The following PLEKHA5 variants were observed in gnomAD, a reference collection of about 807,000 sequenced individuals.
The protein encoded by PLEKHA5 is pleckstrin homology domain containing A5, also known as pleckstrin homology domain-containing family A member 5.
A neutral mutation model predicts 181.9 loss-of-function variants in PLEKHA5; 55 were observed. The observed-to-expected ratio is 0.30, with a 90% CI of 0.24 to 0.38. The LOEUF (loss-of-function observed/expected upper bound fraction) is 0.38, where lower values mean the gene tolerates loss of function less well. Ranked by LOEUF, PLEKHA5 falls within the 10% of genes least tolerant of loss-of-function variation. The probability of loss-of-function intolerance (pLI) is 1.00; values close to 1 mark genes in which losing one functional copy is unlikely to be tolerated. For synonymous variants in PLEKHA5, 535 were observed against 529.4 expected (o/e 1.01, Z -0.15); for missense variants, 1,432 against 1,549.5 (o/e 0.92, Z 1.27).
intron 3 of PLEKHA5, among the ~76,000 whole-genome samples, chr12:19,227,678 G>T (rs1463277113): frequency 6.6e-6 from 1 of 152,152 alleles, no homozygotes; most frequent in East Asian, 1.9e-4. Flanking sequence ...CCTGTACCTA[G>T]TTGCAAGGGA....
At chr12:19,271,520 A>G (rs1408923967) in intron 10 of PLEKHA5, among the ~76,000 whole-genome samples, 1 of 152,140 alleles carries the variant, frequency 6.6e-6, no homozygotes, top group Non-Finnish European at 1.5e-5. Context: ...ATAAAAATAA[A>G]ACTTCAATAC....
At chr12:19,172,183 G>T (rs1176114249) in intron 3 of PLEKHA5, among the ~76,000 whole-genome samples, 1 of 152,060 alleles carries the variant, frequency 6.6e-6, no homozygotes, top group Non-Finnish European at 1.5e-5. Flanking sequence ...TATATGATTG[G>T]CAGCACAGGA....
At chr12:19,355,990 C>T (rs1003017255) in intron 26 of PLEKHA5, among the ~76,000 whole-genome samples, 3 of 151,820 alleles carry the variant, frequency 2.0e-5, no homozygotes, top group Admixed American at 6.6e-5. Flanking sequence ...CATGGTGAAA[C>T]GCTGTCTCAA....
chr12:19,335,328 C>A (rs989389515), intron 20 of PLEKHA5, among the ~76,000 whole-genome samples: 7 of 151,770 alleles, frequency 4.6e-5, no homozygotes, highest in African/African-American at 1.7e-4. Flanking sequence ...CCACCACACC[C>A]AGCCAATCAC....
intron 15 of PLEKHA5, among the ~76,000 whole-genome samples, chr12:19,305,873 AAAAAAAAAAAAC>A (rs1169927433): frequency 7.5e-6 from 1 of 133,824 alleles, no homozygotes; most frequent in Admixed American, 7.4e-5. Context: ...AAAAAAAAAA[AAAAAAAAAAAAC>A]AACTATGAAG....
intron 10 of PLEKHA5, among the ~76,000 whole-genome samples, chr12:19,270,472 C>T (rs2072312840): frequency 2.0e-5 from 3 of 151,968 alleles, no homozygotes; most frequent in African/African-American, 7.2e-5. Flanking sequence ...TAGATTGTTT[C>T]CAAATCCACT....
chr12:19,273,601 C>T (rs1238071276), intron 10 of PLEKHA5, among the ~76,000 whole-genome samples: 1 of 152,128 alleles, frequency 6.6e-6, no homozygotes, highest in Admixed American at 6.6e-5. Context: ...CAGGTTCACA[C>T]ACTCAGCTTG....
At chr12:19,307,718 G>A (rs578253030) in intron 15 of PLEKHA5, among the ~76,000 whole-genome samples, 9 of 152,110 alleles carry the variant, frequency 5.9e-5, no homozygotes, top group South Asian at 2.1e-4. Flanking sequence ...GAGGCAGAAG[G>A]TCAAGGAGCA....
At chr12:19,146,272 A>G (rs1261483836) in intron 3 of PLEKHA5, among the ~76,000 whole-genome samples, 2 of 152,180 alleles carry the variant, frequency 1.3e-5, no homozygotes, top group Admixed American at 6.5e-5. Context: ...TTGAATTTAC[A>G]TGCTCCTGAT....
intron 7 of PLEKHA5, among the ~76,000 whole-genome samples, chr12:19,265,144 TG>T (rs755529552): frequency 1.3e-5 from 2 of 152,206 alleles, no homozygotes; most frequent in Non-Finnish European, 2.9e-5. Context: ...AGTTCAAATA[TG>T]TATTCACATG....
chr12:19,306,958 C>T (rs935079853), intron 15 of PLEKHA5: 1 of 1,247,470 alleles, frequency 8.0e-7, no homozygotes, highest in African/African-American at 1.5e-5. Flanking sequence ...CCTGCCTACT[C>T]CTAACCCACT....
Position 19,360,329 on chromosome 12 carries a change from G to A in PLEKHA5, c.3483+783G>A, listed in dbSNP as rs1038288165. Among the ~76,000 whole-genome samples the A allele has an allele frequency of 4.0e-5, 6 of 151,886 alleles. No homozygotes were observed. In the South Asian group the frequency reaches 1.0e-3, roughly 26 times the overall value. ...AAAAAAAAAACAAAAAAAACGTGGC[G>A]GGCACAGTGGCTCATGCCTGTAATC... is the stretch of plus-strand genomic sequence containing the variant. On this transcript the variant is annotated intron_variant, in intron 28 of 31. Transcript: ENST00000429027.
At chr12:19,279,109 A>G (rs1476017988) in intron 11 of PLEKHA5, among the ~76,000 whole-genome samples, 1 of 152,212 alleles carries the variant, frequency 6.6e-6, no homozygotes, top group Non-Finnish European at 1.5e-5. Context: ...TTAATAGCAT[A>G]TTAAAGAGCT....
intron 17 of PLEKHA5, 85 bp downstream of exon 17, chr12:19,320,141 A>G (rs527468519): frequency 1.9e-5 from 10 of 522,308 alleles, no homozygotes; most frequent in African/African-American, 1.4e-4. Context: ...GTACACATAC[A>G]CAGTGTGTGT....
chr12:19,298,218 G>A (rs2080432821), intron 15 of PLEKHA5, among the ~76,000 whole-genome samples: 1 of 151,768 alleles, frequency 6.6e-6, no homozygotes, highest in Admixed American at 6.6e-5. Flanking sequence ...AAGAGGAGTA[G>A]GAGGGACAGA....
intron 21 of PLEKHA5, among the ~76,000 whole-genome samples, chr12:19,342,432 G>A (rs368938496): frequency 5.9e-5 from 9 of 152,092 alleles, no homozygotes; most frequent in South Asian, 2.1e-4. Context: ...TGAGGAGAGC[G>A]GATCACCTGA....
intron 3 of PLEKHA5, among the ~76,000 whole-genome samples, chr12:19,184,262 C>T (rs2049297683): frequency 6.6e-6 from 1 of 152,094 alleles, no homozygotes; most frequent in Admixed American, 6.6e-5. Context: ...AGTCTTGTTG[C>T]CTAGACCTTA....
intron 15 of PLEKHA5, among the ~76,000 whole-genome samples, chr12:19,299,685 T>C (rs1200612972): frequency 1.3e-5 from 2 of 152,192 alleles, no homozygotes; most frequent in Non-Finnish European, 2.9e-5. Context: ...TAGGGATTAA[T>C]TGAGGTAATA....
intron 3 of PLEKHA5, chr12:19,153,181 T>G (rs146987546): frequency 2.5e-4 from 38 of 152,292 alleles, no homozygotes; most frequent in African/African-American, 8.7e-4. Context: ...ATGAAGATTT[T>G]TGGAAGGTAT....
Sources: gnomAD v4.1 joint callset for allele counts (sites outside exome capture counted in the v4.1 genomes callset) on GRCh38, gnomAD v4.1.1 for gene constraint, MANE v1.5 for transcripts, NCBI Gene and HGNC (gene_info 2026-07-23, HGNC 2026-07-21) for gene names.